MACF1: variants seen among roughly 807,000 people sequenced by gnomAD.
The protein encoded by MACF1 is microtubule actin crosslinking factor 1.
MACF1 carries 193 observed loss-of-function variants against 854.8 expected under a neutral mutation model. The ratio of observed to expected loss-of-function variants is 0.23; its 90% CI spans 0.20 to 0.25. The LOEUF (loss-of-function observed/expected upper bound fraction) is 0.25, where lower values mean the gene tolerates loss of function less well. Ranked by LOEUF, MACF1 falls within the 10% of genes least tolerant of loss-of-function variation. The pLI, the probability that MACF1 is intolerant of heterozygous loss-of-function variation, is 1.00. For synonymous variants in MACF1, 3,185 were observed against 3,226.7 expected, an observed-to-expected ratio of 0.99 and a Z score of 0.44; for missense variants, 7,722 against 8,929.1, an observed-to-expected ratio of 0.86 and a Z score of 5.45.
intron 52 of MACF1, among the ~76,000 whole-genome samples, chr1:39,375,721 C>T (rs1008977732): frequency 6.6e-6 from 1 of 152,202 alleles, no homozygotes; most frequent in Non-Finnish European, 1.5e-5. Flanking sequence ...AATGTCAGAA[C>T]AGGCTTTGAT....
At chr1:39,328,609 T>G (rs1312506445) in intron 36 of MACF1, 1 of 152,236 alleles carries the variant, frequency 6.6e-6, no homozygotes, top group Non-Finnish European at 1.5e-5. Flanking sequence ...AGTCGCATGC[T>G]GGACGCTAAC....
At chr1:39,446,998 A>T (rs968481975) in intron 80 of MACF1, among the ~76,000 whole-genome samples, 4 of 152,232 alleles carry the variant, frequency 2.6e-5, no homozygotes, top group African/African-American at 9.6e-5. Flanking sequence ...TACATTGAAC[A>T]TCATCTTCAT....
chr1:39,434,359 T>A lies in MACF1; in HGVS notation c.17566-55T>A. On this transcript the variant is annotated intron_variant, in intron 68 of 100. Transcript: ENST00000564288. ...ATGTATATATACCTACTTTTTTTCT[T>A]AAGAGTTTATAATAGTAATACTTAT... 2.8e-6 allele frequency: 3 copies of A among 1,058,652 alleles called. No homozygotes were observed. The South Asian group carries it at 4.6e-5, about 16-fold the overall frequency. The allele number at this position is 1,058,652 out of a possible 1,614,324, so 65.6% of individuals were successfully genotyped here.
Position 39,480,962 on chromosome 1 carries a change from G to A in MACF1, c.22213G>A (p.Val7405Ile). 6.4e-7 allele frequency: 1 copy of A among 1,550,862 alleles called. No individual in the cohort carries two copies. Among genetic ancestry groups the A allele is most frequent in the Non-Finnish European group, 8.7e-7 (1 of 1,147,052 alleles). Residue 7405 changes from valine (V) to isoleucine (I), a missense_variant, in exon 99 of 101, where the codon GTA (valine) becomes ATA (isoleucine). Around this residue, in one of 15 missense-constraint regions of MACF1, gnomAD observed 185 missense variants for 225.7 expected, o/e 0.82. Transcript: ENST00000564288. ...TCGCTGTTATGACAAACCCTGGTTG[G>A]TAAACAGTAAAGCTGGCACCCCTAT... ...FSRCYDKPWL[V>I]NSKAGTPIRD...
rs779273297 is a variant in MACF1 at position 39,332,247 on chromosome 1, A to C, written c.5659A>C (p.Lys1887Gln). 2 of 1,614,018 alleles carry C rather than the reference A, an allele frequency of 1.2e-6. No individual in the cohort carries two copies. The highest frequency in any genetic ancestry group is 3.3e-5 in the Admixed American group (2 of 60,018). The part of the protein sequence containing the change: ...HKILSNRQHI[K>Q]ALFLPATTEI... ...AATCCTTAGTAACCGACAGCATATT[A>C]AGGCTCTGTTTCTACCAGCAACCAC... The change falls in exon 37 of 101, where the codon AAG (lysine) becomes CAG (glutamine). Residue 1887 changes from lysine to glutamine, a missense_variant. Around this residue, in one of 15 missense-constraint regions of MACF1, gnomAD observed 1,531 missense variants for 1,601.6 expected, o/e 0.96. Transcript: ENST00000564288.
At chr1:39,370,308 C>A in intron 51 of MACF1, 122 bp downstream of exon 51, 1 of 870,706 alleles carries the variant, frequency 1.1e-6, no homozygotes, top group Non-Finnish European at 1.7e-6. Flanking sequence ...TGCATCAGAA[C>A]AGAAATTCCT....
chr1:39,291,850 G>T (rs916867336), intron 15 of MACF1, 60 bp from the exon 16 acceptor site: 3 of 1,556,322 alleles, frequency 1.9e-6, no homozygotes, highest in Non-Finnish European at 2.6e-6. Context: ...CATTGGTTCT[G>T]ACCATTTTCC....
chr1:39,310,991 A>G lies in MACF1; in HGVS notation c.3261A>G (p.Ala1087=), dbSNP rs1646287935. The change falls in exon 26 of 101, where the codon GCA becomes GCG. Residue 1087 remains alanine, a synonymous_variant. Transcript: ENST00000564288. ...GGCAGGACAATGCATTAAGGATTGC[A>G]GAGCAAGAGGTAAGCCCTAAGAGCC... ...DAWQDNALRI[A]EQEHTQEDLQ... 2 of 1,612,696 alleles carry G rather than the reference A, an allele frequency of 1.2e-6. No homozygotes were observed. Among genetic ancestry groups the G allele is most frequent in the Non-Finnish European group, 1.7e-6 (2 of 1,179,554 alleles).
chr1:39,385,774 G>T lies in MACF1; in HGVS notation c.14189G>T (p.Arg4730Leu), dbSNP rs766060451. ...CAATTGGAAGAGACCAGTGAAATTC[G>T]ATCTGACTTGGAGCAGTTAGACCAC... The part of the protein sequence containing the change: ...KQQLEETSEI[R>L]SDLEQLDHEV... The change falls in exon 57 of 101, where the codon CGA (arginine) becomes CTA (leucine). Residue 4730 changes from arginine (R) to leucine (L), a missense_variant. Around this residue, in one of 15 missense-constraint regions of MACF1, gnomAD observed 2,807 missense variants for 3,235.8 expected, o/e 0.87. Coordinates refer to ENST00000564288, the MANE Select transcript of MACF1 (RefSeq NM_001394062.1). The T allele has an allele frequency of 1.2e-6, 2 of 1,614,134 alleles. No individual in the cohort carries two copies. Among genetic ancestry groups the T allele is most frequent in the Non-Finnish European group, 1.7e-6 (2 of 1,180,024 alleles).
rs866146727 is a variant in MACF1 at position 39,305,288 on chromosome 1, G to A, written c.2789+2210G>A. On this transcript the variant is annotated intron_variant, in intron 23 of 100. Transcript: ENST00000564288. Reference sequence around the variant, plus strand: ...AAAAAAAAAAAAAAAGTGTGTGTGTGTATATATATGTATATATGTACATAT... The same window carrying A: ...AAAAAAAAAAAAAAAGTGTGTGTGTATATATATATGTATATATGTACATAT... Among the ~76,000 whole-genome samples, 12 of 150,904 alleles carry A rather than the reference G, an allele frequency of 8.0e-5. No homozygotes were observed. In the Middle Eastern group the frequency reaches 0.021, roughly 260 times the overall value.
At chr1:39,099,722 C>T (rs1642019476) in intron 2 of MACF1, among the ~76,000 whole-genome samples, 1 of 152,172 alleles carries the variant, frequency 6.6e-6, no homozygotes, top group African/African-American at 2.4e-5. Flanking sequence ...ATGAGGCATC[C>T]ATTCCTTCAG....
intron 2 of MACF1, among the ~76,000 whole-genome samples, chr1:39,101,948 G>C (rs1007262489): frequency 6.6e-6 from 1 of 151,650 alleles, no homozygotes; most frequent in East Asian, 2.0e-4. Flanking sequence ...AGGCCGATGC[G>C]GGCGGATCAC....
In MACF1 at chr1:39,283,181, T is replaced by C. The variant is rs1328345125; in HGVS notation, c.696-8T>C. 5 of 1,592,146 alleles carry C rather than the reference T, an allele frequency of 3.1e-6. No individual in the cohort carries two copies. The highest frequency in any genetic ancestry group is 4.3e-6 in the Non-Finnish European group (5 of 1,160,230). ...TGGCGTTTCATGTGCCTTGCTGGAC[T>C]TTTACAGACCCGATCTAGTAGACAT... On this transcript the variant is annotated splice_polypyrimidine_tract_variant and splice_region_variant and intron_variant, in intron 7 of 100. Coordinates refer to ENST00000564288, the MANE Select transcript of MACF1 (RefSeq NM_001394062.1). The surrounding 1 kb of genome is among the most constrained non-coding windows in gnomAD (Gnocchi z 4.5).
intron 50 of MACF1, among the ~76,000 whole-genome samples, chr1:39,369,115 G>A (rs1360505951): frequency 6.6e-6 from 1 of 151,248 alleles, no homozygotes; most frequent in Non-Finnish European, 1.5e-5. Flanking sequence ...TGGGATTACA[G>A]GTGTGAACCA....
chr1:39,133,809 C>T (rs998987346), intron 2 of MACF1, among the ~76,000 whole-genome samples: 5 of 152,038 alleles, frequency 3.3e-5, no homozygotes, highest in Non-Finnish European at 5.9e-5. Context: ...TTCATTTTTT[C>T]TAGAGTTGCT....
chr1:39,120,538 T>A lies in MACF1; in HGVS notation c.220+36100T>A, dbSNP rs542155886. ...CACCACCACACTTGGCTAATTTGTG[T>A]ATTTTAGTAGACACAGGGTTTCACC... On this transcript the variant is annotated intron_variant, in intron 2 of 93. Transcript: ENST00000361689. 6.5e-4 allele frequency among the ~76,000 whole-genome samples: 99 copies of A among 152,198 alleles called. 4 individuals carry two copies. In the South Asian group the frequency reaches 0.019, roughly 29 times the overall value.
At chr1:39,290,886 G>C (rs1344564592) in intron 15 of MACF1, among the ~76,000 whole-genome samples, 1 of 151,722 alleles carries the variant, frequency 6.6e-6, no homozygotes, top group East Asian at 1.9e-4. Context: ...TGTTAGCCAG[G>C]CTGGTCTTGA....
intron 58 of MACF1, among the ~76,000 whole-genome samples, chr1:39,421,966 T>G (rs1195283130): frequency 6.6e-6 from 1 of 151,738 alleles, no homozygotes; most frequent in Non-Finnish European, 1.5e-5. Flanking sequence ...TCCCAGCTGC[T>G]CAGAAGACTG....
At chr1:39,191,550 C>G (rs1031723375) in intron 2 of MACF1, among the ~76,000 whole-genome samples, 2 of 152,180 alleles carry the variant, frequency 1.3e-5, no homozygotes, top group African/African-American at 4.8e-5. Context: ...CTTGGGACAC[C>G]TAAGGATGGA....
Sources: allele counts gnomAD v4.1 joint callset (sites outside exome capture counted in the v4.1 genomes callset), GRCh38; gene constraint gnomAD v4.1.1; regional missense constraint gnomAD v4.1.1; non-coding constraint Gnocchi (gnomAD v3.1); transcripts MANE v1.5; gene names NCBI Gene and HGNC (gene_info 2026-07-23, HGNC 2026-07-21).